CNGA3: variants seen among roughly 807,000 people sequenced by gnomAD.
CNGA3 encodes the protein cyclic nucleotide-gated channel alpha-3.
CNGA3 carries 42 observed loss-of-function variants against 46.6 expected under a neutral mutation model. The observed-to-expected ratio is 0.90, with a 90% CI of 0.70 to 1.17. CNGA3 has a LOEUF of 1.17. CNGA3 is among the 50% of genes most tolerant of loss of function. CNGA3 has a pLI of 0.00. For missense variants in CNGA3, 893 were observed against 890.7 expected (o/e 1.00, Z -0.03); for synonymous variants, 394 against 369.4 (o/e 1.07, Z -0.76).
Position 98,348,650 on chromosome 2 carries a change from G to A in CNGA3, c.-38+2116G>A, listed in dbSNP as rs147106170. ...CACTGTGGCCTCAAGGTTGAGATGG[G>A]CCATGCTTTTTTCTCTACTGAGGCT... On this transcript the variant is annotated intron_variant, in intron 1 of 7. Coordinates refer to ENST00000272602, the MANE Select transcript of CNGA3 (RefSeq NM_001298.3). 6.8e-3 allele frequency among the ~76,000 whole-genome samples: 1,035 copies of A among 152,290 alleles called. 9 individuals carry two copies. The highest frequency in any genetic ancestry group is 0.023 in the African/African-American group (970 of 41,556).
intron 4 of CNGA3, among the ~76,000 whole-genome samples, chr2:98,382,406 G>A (rs1692559535): frequency 6.6e-6 from 1 of 152,170 alleles, no homozygotes; most frequent in South Asian, 2.1e-4. Flanking sequence ...ATTTTCAGAT[G>A]AGCAGAACCA....
chr2:98,375,301 C>T (rs1392623505), intron 2 of CNGA3, among the ~76,000 whole-genome samples: 2 of 152,234 alleles, frequency 1.3e-5, no homozygotes, highest in South Asian at 2.1e-4. Context: ...CTGCTTGGTG[C>T]CTAGAGCTCC....
rs1692938169 is a variant in CNGA3, at chr2:98,397,049, G to T, written c.1879G>T (p.Glu627Ter). 6.2e-7 allele frequency: 1 copy of T among 1,614,014 alleles called. No homozygotes were observed. Among genetic ancestry groups the T allele is most frequent in the African/African-American group, 1.3e-5 (1 of 74,930 alleles). ...GGCGGGCGCGGACCCCAAGGACCTTGAGGAGAAAGTGGAGCAGCTGGGGTC... is the reference window on the plus strand; with the variant it reads ...GGCGGGCGCGGACCCCAAGGACCTTTAGGAGAAAGTGGAGCAGCTGGGGTC... The part of the protein sequence containing the change: ...ARAGADPKDL[E>*]EKVEQLGSSL... Residue 627 changes from glutamate to a stop codon, truncating the protein, a stop_gained, in exon 8 of 8, where the codon GAG (glutamate) becomes TAG (stop). Transcript: ENST00000272602. LOFTEE classifies it low-confidence loss of function (END_TRUNC).
intron 1 of CNGA3, chr2:98,351,269 G>A (rs953332411): frequency 6.6e-6 from 1 of 152,230 alleles, no homozygotes; most frequent in African/African-American, 2.4e-5. Flanking sequence ...GGGATGATAT[G>A]GTTTCGCTCT....
At chr2:98,389,507 C>T in intron 5 of CNGA3, 151 bp from the exon 6 acceptor site, 1 of 739,712 alleles carries the variant, frequency 1.4e-6, no homozygotes, top group Non-Finnish European at 2.5e-6. Flanking sequence ...CCTACAGGGA[C>T]TCCCCATGTG....
Position 98,389,681 on chromosome 2 carries a change from C to A in CNGA3, c.473C>A (p.Ala158Glu), listed in dbSNP as rs138934573. Reference protein sequence around the residue: ...EEEKKTKKKDAIVVDPSSNLY... With the variant: ...EEEKKTKKKDEIVVDPSSNLY... ...AGGAAGAAGACGAAAAAGAAGGATG[C>A]GATCGTGGTGGACCCGTCCAGCAAC... The change falls in exon 6 of 8, where the codon GCG (alanine) becomes GAG (glutamate). Residue 158 changes from alanine to glutamate, a missense_variant. By Grantham distance (107) the Ala-to-Glu change is moderately radical (BLOSUM62 -1). Coordinates refer to ENST00000272602, the MANE Select transcript of CNGA3 (RefSeq NM_001298.3). The A allele has an allele frequency of 1.9e-6, 3 of 1,613,754 alleles. No individual in the cohort carries two copies. The highest frequency in any genetic ancestry group is 3.3e-5 in the Admixed American group (2 of 60,014).
chr2:98,383,294 A>T, intron 4 of CNGA3, 94 bp from the exon 5 acceptor site: 1 of 1,196,858 alleles, frequency 8.4e-7, no homozygotes, highest in Non-Finnish European at 1.2e-6. Context: ...TGGGATAGGG[A>T]TTGGGGGGTG....
At chr2:98,392,442 C>T (rs905304160) in intron 7 of CNGA3, among the ~76,000 whole-genome samples, 3 of 152,104 alleles carry the variant, frequency 2.0e-5, no homozygotes, top group African/African-American at 7.2e-5. Context: ...TGCCTGTAAT[C>T]CCAGCTACTT....
intron 1 of CNGA3, among the ~76,000 whole-genome samples, chr2:98,367,732 T>C (rs1692196252): frequency 6.6e-6 from 1 of 152,072 alleles, no homozygotes; most frequent in African/African-American, 2.4e-5. Flanking sequence ...TATACCTAAA[T>C]TGCCATGTCC....
intron 5 of CNGA3, among the ~76,000 whole-genome samples, chr2:98,385,989 A>T (rs1294388249): frequency 6.6e-6 from 1 of 152,174 alleles, no homozygotes; most frequent in Non-Finnish European, 1.5e-5. Context: ...GATTCAAACC[A>T]CATAAGCTGG....
chr2:98,370,609 C>T (rs889216823), intron 2 of CNGA3, among the ~76,000 whole-genome samples: 3 of 152,322 alleles, frequency 2.0e-5, no homozygotes, highest in Middle Eastern at 3.4e-3. Flanking sequence ...CAATGACATC[C>T]TGACACAGGT....
At chr2:98,368,824 G>C (rs1215117334) in intron 1 of CNGA3, among the ~76,000 whole-genome samples, 1 of 152,196 alleles carries the variant, frequency 6.6e-6, no homozygotes, top group East Asian at 1.9e-4. Flanking sequence ...GAAATCACAG[G>C]GAGTTGACTC....
intron 3 of CNGA3, 158 bp downstream of exon 3, chr2:98,377,958 T>C (rs1692446728): frequency 5.0e-6 from 7 of 1,388,626 alleles, no homozygotes; most frequent in Non-Finnish European, 5.9e-6. Context: ...CAGTGAGTAA[T>C]TTCCTCTTGG....
chr2:98,396,977 C>T lies in CNGA3; in HGVS notation c.1807C>T (p.Arg603Trp), dbSNP rs769370731. 57 of 1,613,960 alleles carry T rather than the reference C, an allele frequency of 3.5e-5. No homozygotes were observed. The highest frequency in any genetic ancestry group is 1.2e-4 in the South Asian group (11 of 91,080). ...EAKKALEEKG[R>W]QILMKDNLID... ...CAAGAAGGCCCTGGAGGAGAAAGGACGGCAGATCCTGATGAAAGACAACCT... is the reference window on the plus strand; with the variant it reads ...CAAGAAGGCCCTGGAGGAGAAAGGATGGCAGATCCTGATGAAAGACAACCT... The change falls in exon 8 of 8, where the codon CGG (arginine) becomes TGG (tryptophan). Residue 603 changes from arginine to tryptophan, a missense_variant. Transcript: ENST00000272602.
chr2:98,348,934 G>C (rs1444953128), intron 1 of CNGA3, among the ~76,000 whole-genome samples: 1 of 152,188 alleles, frequency 6.6e-6, no homozygotes, highest in Non-Finnish European at 1.5e-5. Flanking sequence ...CTCCTGGTCA[G>C]GGTAGGCCTC....
At chr2:98,384,406 A>G (rs78860025) in intron 5 of CNGA3, among the ~76,000 whole-genome samples, 108 of 152,314 alleles carry the variant, frequency 7.1e-4, no homozygotes, top group Non-Finnish European at 1.2e-3. Context: ...AAAAATACCT[A>G]TATCAGTGAG....
rs1175581003 is a variant in CNGA3, at chr2:98,346,830, G to A, written c.-38+296G>A. On this transcript the variant is annotated intron_variant, in intron 1 of 7. Coordinates refer to ENST00000272602, the MANE Select transcript of CNGA3 (RefSeq NM_001298.3). ...CCTCCCCGTGCTCCCCAAGCCGATC[G>A]CACCCCCTTTTACTCACGTCCCACA... is the stretch of plus-strand genomic sequence containing the variant. 5.3e-5 allele frequency among the ~76,000 whole-genome samples: 8 copies of A among 152,190 alleles called. No individual in the cohort carries two copies. In the East Asian group the frequency reaches 1.6e-3, roughly 30 times the overall value.
At chr2:98,393,243 T>A (rs1183698262) in intron 7 of CNGA3, among the ~76,000 whole-genome samples, 8 of 150,494 alleles carry the variant, frequency 5.3e-5, no homozygotes, top group East Asian at 1.9e-4. Flanking sequence ...AAAAAAAAAA[T>A]GATAAAATAA....
chr2:98,391,189 G>T lies in CNGA3; in HGVS notation c.567-675G>T, dbSNP rs141224442. 4.8e-3 allele frequency among the ~76,000 whole-genome samples: 734 copies of T among 152,348 alleles called. 11 individuals carry two copies. Among genetic ancestry groups the T allele is most frequent in the African/African-American group, 0.016 (676 of 41,590 alleles). On this transcript the variant is annotated intron_variant, in intron 6 of 7. Coordinates refer to ENST00000272602, the MANE Select transcript of CNGA3 (RefSeq NM_001298.3). ...TGATCTCCTGCTCTTCGGAGGGATT[G>T]CGGGGCAGGTGAAAACTGGAAGAAC...
Sources: allele counts gnomAD v4.1 joint callset (sites outside exome capture counted in the v4.1 genomes callset), GRCh38; gene constraint gnomAD v4.1.1; transcripts MANE v1.5; gene names NCBI Gene and HGNC (gene_info 2026-07-23, HGNC 2026-07-21).